Variants in MAP3K14 observed in about 807,000 individuals in gnomAD.
MAP3K14 encodes NF-kappa-beta-inducing kinase.
MAP3K14 carries 16 observed loss-of-function variants against 99.2 expected under a neutral mutation model. That is an observed-to-expected ratio of 0.16 (90% CI 0.11 to 0.24). The LOEUF is 0.24. MAP3K14 is among the 10% of genes least tolerant of loss of function. The probability of loss-of-function intolerance (pLI) is 1.00; values close to 1 mark genes in which losing one functional copy is unlikely to be tolerated. For missense variants in MAP3K14, 784 were observed against 1,208.7 expected (o/e 0.65, Z 5.21); for synonymous variants, 462 against 492.4 (o/e 0.94, Z 0.82).
intron 1 of MAP3K14, among the ~76,000 whole-genome samples, chr17:45,296,737 A>T (rs57391762): frequency 0.017 from 2,654 of 152,254 alleles, 79 homozygotes; most frequent in African/African-American, 0.06. Context: ...CGAGCAGGGC[A>T]GCACTGGGCA....
chr17:45,303,268 AT>A (rs987124093), intron 1 of MAP3K14, among the ~76,000 whole-genome samples: 11 of 152,080 alleles, frequency 7.2e-5, no homozygotes, highest in African/African-American at 7.2e-5. Context: ...TTGCTTAAAA[AT>A]TTTTTTTCAG....
chr17:45,290,800 A>G (rs1229594507), intron 1 of MAP3K14, 35 bp from the exon 2 acceptor site: 5 of 1,589,034 alleles, frequency 3.1e-6, no homozygotes, highest in Middle Eastern at 1.7e-4. Flanking sequence ...GGTCACTTAG[A>G]ATCCCAGACC....
chr17:45,283,656 G>T (rs532479161), intron 6 of MAP3K14, among the ~76,000 whole-genome samples: 1 of 152,318 alleles, frequency 6.6e-6, no homozygotes, highest in South Asian at 2.1e-4. Flanking sequence ...GTGTCAGGTT[G>T]GTGCTCCAAA....
chr17:45,274,035 A>C, intron 8 of MAP3K14, 88 bp downstream of exon 8: 3 of 1,475,576 alleles, frequency 2.0e-6, no homozygotes, highest in Non-Finnish European at 2.8e-6. Context: ...GGGGATGACC[A>C]GGCTAGCCCA....
intron 11 of MAP3K14, among the ~76,000 whole-genome samples, chr17:45,269,351 G>GC (rs2044124366): frequency 6.6e-6 from 1 of 152,032 alleles, no homozygotes. Flanking sequence ...GTGAGTTTGA[G>GC]CCCCCTCTAT....
intron 1 of MAP3K14, among the ~76,000 whole-genome samples, chr17:45,300,501 T>C (rs901233697): frequency 2.6e-5 from 4 of 152,228 alleles, no homozygotes; most frequent in African/African-American, 9.6e-5. Context: ...CTGATCTCTC[T>C]ACAACCCCTT....
chr17:45,266,752 T>C (rs1357425957), intron 13 of MAP3K14, 71 bp from the exon 14 acceptor site: 5 of 1,521,838 alleles, frequency 3.3e-6, no homozygotes, highest in African/African-American at 1.4e-5. Context: ...TGGGTCTCAT[T>C]TGGGGAAAAG....
At chr17:45,290,842 G>C in intron 1 of MAP3K14, 77 bp from the exon 2 acceptor site, 1 of 1,468,252 alleles carries the variant, frequency 6.8e-7, no homozygotes, top group Non-Finnish European at 9.2e-7. Context: ...TGGGTTGGGG[G>C]AGAAAGGCAG....
chr17:45,309,809 C>A (rs1020150949), intron 1 of MAP3K14, among the ~76,000 whole-genome samples: 1 of 152,168 alleles, frequency 6.6e-6, no homozygotes, highest in Non-Finnish European at 1.5e-5. Context: ...GAAGATAACC[C>A]TTCTGAACTG....
intron 6 of MAP3K14, chr17:45,282,213 AAGCGTG>A (rs1454421885): frequency 6.6e-6 from 1 of 152,156 alleles, no homozygotes; most frequent in African/African-American, 2.4e-5. Context: ...CTGGGATTAC[AAGCGTG>A]AGCCACTGTA....
intron 14 of MAP3K14, among the ~76,000 whole-genome samples, chr17:45,265,626 C>T (rs1018376471): frequency 6.6e-6 from 1 of 151,960 alleles, no homozygotes; most frequent in Non-Finnish European, 1.5e-5. Flanking sequence ...TTAGTAGAGA[C>T]GGGGTTTCAC....
rs372183847 is a variant in MAP3K14 at position 45,264,621 on chromosome 17, C to T, written c.*15G>A. 46 of 1,559,474 alleles carry T rather than the reference C, an allele frequency of 2.9e-5. No homozygotes were observed. The highest frequency in any genetic ancestry group is 2.1e-4 in the South Asian group (18 of 84,552). ...GCTGCTTCCGGCAGTGTGGAGCCGG[C>T]GGTGGAGGGCAGGGTTAGGGCCTGT... On this transcript the variant is annotated 3_prime_UTR_variant, in exon 16 of 16. Coordinates refer to ENST00000344686, the MANE Select transcript of MAP3K14 (RefSeq NM_003954.5).
chr17:45,312,246 C>T (rs1302244098), intron 1 of MAP3K14, among the ~76,000 whole-genome samples: 1 of 152,210 alleles, frequency 6.6e-6, no homozygotes, highest in Non-Finnish European at 1.5e-5. Flanking sequence ...TGGGGCCAAC[C>T]AGTTATGGAG....
chr17:45,296,565 A>T (rs376534021), intron 1 of MAP3K14, among the ~76,000 whole-genome samples: 1 of 152,180 alleles, frequency 6.6e-6, no homozygotes, highest in Non-Finnish European at 1.5e-5. Flanking sequence ...GAGGGAACCA[A>T]GGGCAAGTAT....
At chr17:45,307,716 AAGAC>A (rs1168752657) in intron 1 of MAP3K14, among the ~76,000 whole-genome samples, 1 of 152,226 alleles carries the variant, frequency 6.6e-6, no homozygotes, top group Admixed American at 6.5e-5. Flanking sequence ...AAGATGAAGA[AAGAC>A]AGGCTCAGGC....
chr17:45,266,438 T>C, intron 14 of MAP3K14, 99 bp downstream of exon 14: 2 of 1,451,982 alleles, frequency 1.4e-6, no homozygotes, highest in Non-Finnish European at 1.8e-6. Context: ...TCCCTCCCAC[T>C]GTGCCAGAGG....
chr17:45,288,526 C>T (rs2044286097), intron 3 of MAP3K14, among the ~76,000 whole-genome samples: 1 of 152,026 alleles, frequency 6.6e-6, no homozygotes, highest in Admixed American at 6.6e-5. Context: ...TACAGGCATG[C>T]GCTACCATGC....
At chr17:45,280,758 CG>C in intron 6 of MAP3K14, among the ~76,000 whole-genome samples, 1 of 151,888 alleles carries the variant, frequency 6.6e-6, no homozygotes, top group Non-Finnish European at 1.5e-5. Flanking sequence ...TACAGGCATG[CG>C]CTACCACACC....
chr17:45,305,922 A>G (rs1270456848), intron 1 of MAP3K14, among the ~76,000 whole-genome samples: 1 of 152,236 alleles, frequency 6.6e-6, no homozygotes, highest in Admixed American at 6.5e-5. Flanking sequence ...GTCCACTGGC[A>G]GTGCCTCAGC....
Sources: allele counts gnomAD v4.1 joint callset (sites outside exome capture counted in the v4.1 genomes callset), GRCh38; gene constraint gnomAD v4.1.1; transcripts MANE v1.5; gene names NCBI Gene and HGNC (gene_info 2026-07-23, HGNC 2026-07-21).